Variants in SDK1 observed in about 807,000 individuals in gnomAD.
The protein encoded by SDK1 is protein sidekick-1.
In SDK1, 157 loss-of-function variants were observed where a neutral mutation model predicts 245.5. The ratio of observed to expected loss-of-function variants is 0.64; its 90% confidence interval spans 0.56 to 0.73. The LOEUF is 0.73. Among genes scored for constraint, SDK1 ranks in the 30% least tolerant of loss-of-function variants. SDK1 has a pLI of 0.00. For missense variants in SDK1, 3,583 were observed against 3,002.3 expected, an observed-to-expected ratio of 1.19 and a Z score of -4.52; for synonymous variants, 1,647 against 1,278.5, an observed-to-expected ratio of 1.29 and a Z score of -6.15.
At chr7:3,680,267 A>G (rs1211087065) in intron 4 of SDK1, among the ~76,000 whole-genome samples, 2 of 152,158 alleles carry the variant, frequency 1.3e-5, no homozygotes, top group Non-Finnish European at 2.9e-5. Context: ...TGGAGAAAAT[A>G]TTAATGGTCG....
At chr7:3,982,169 T>C (rs776548458) in intron 13 of SDK1, among the ~76,000 whole-genome samples, 1 of 152,222 alleles carries the variant, frequency 6.6e-6, no homozygotes, top group Non-Finnish European at 1.5e-5. Context: ...CTGTGCTCTG[T>C]AAATGGAACA....
intron 39 of SDK1, among the ~76,000 whole-genome samples, chr7:4,220,514 T>TG (rs1785088134): frequency 9.5e-6 from 1 of 104,734 alleles, no homozygotes; most frequent in Non-Finnish European, 1.9e-5. Flanking sequence ...AAGTTTTAGT[T>TG]GTTTTTTTTT....
intron 1 of SDK1, among the ~76,000 whole-genome samples, chr7:3,388,797 A>G (rs940836398): frequency 2.6e-5 from 4 of 152,176 alleles, no homozygotes; most frequent in African/African-American, 9.7e-5. Context: ...CACTAAGTCA[A>G]CGTGTGTTTA....
At position 4,088,905 on chromosome 7, in the gene SDK1, G is replaced by A. The variant is rs571751566; in HGVS notation, c.3324+9321G>A. 4.6e-5 allele frequency among the ~76,000 whole-genome samples: 7 copies of A among 152,240 alleles called. No individual in the cohort carries two copies. The South Asian group carries it at 1.4e-3, about 32-fold the overall frequency. On this transcript the variant is annotated intron_variant, in intron 22 of 44. Coordinates refer to ENST00000404826, the MANE Select transcript of SDK1 (RefSeq NM_152744.4). ...AGGCAGAGGACTCTCGTGGGCATCTGCACAATGAGGTCACTCAGGCGGAGG... is the reference window on the plus strand; with the variant it reads ...AGGCAGAGGACTCTCGTGGGCATCTACACAATGAGGTCACTCAGGCGGAGG...
At chr7:3,597,980 T>A (rs1289788989) in intron 1 of SDK1, among the ~76,000 whole-genome samples, 7 of 152,242 alleles carry the variant, frequency 4.6e-5, no homozygotes, top group Non-Finnish European at 8.8e-5. Flanking sequence ...TGGATCATTG[T>A]GTAGGTATTT....
chr7:4,169,058 G>A (rs1442851941), intron 32 of SDK1, among the ~76,000 whole-genome samples: 1 of 152,216 alleles, frequency 6.6e-6, no homozygotes, highest in Non-Finnish European at 1.5e-5. Context: ...GCGGGGACCT[G>A]TTGCTGTGTG....
chr7:3,824,111 A>G (rs901750447), intron 5 of SDK1, among the ~76,000 whole-genome samples: 2 of 152,052 alleles, frequency 1.3e-5, no homozygotes, highest in Admixed American at 6.6e-5. Context: ...GCAGTTCAGG[A>G]CCTGGCCACC....
intron 1 of SDK1, among the ~76,000 whole-genome samples, chr7:3,552,753 A>T (rs1779457201): frequency 6.6e-6 from 1 of 152,184 alleles, no homozygotes; most frequent in African/African-American, 2.4e-5. Flanking sequence ...GAAATGAAAG[A>T]CTTTGAAATA....
rs1462748006 is a variant in SDK1 at position 3,645,605 on chromosome 7, G to T, written c.713+3500G>T. Among the ~76,000 whole-genome samples, 3 of 152,024 alleles carry T rather than the reference G, an allele frequency of 2.0e-5. No homozygotes were observed. The East Asian group carries it at 5.8e-4, about 29-fold the overall frequency. On this transcript the variant is annotated intron_variant, in intron 4 of 44. Coordinates refer to ENST00000404826, the MANE Select transcript of SDK1 (RefSeq NM_152744.4). ...TACATCTATTATGCACTAATAAAAA[G>T]TTTACCTGTTTAAAAATTAAAAAAT... is the stretch of plus-strand genomic sequence containing the variant.
chr7:3,901,651 G>C (rs1277193903), intron 5 of SDK1, among the ~76,000 whole-genome samples: 2 of 152,148 alleles, frequency 1.3e-5, no homozygotes, highest in East Asian at 3.9e-4. Context: ...TAATCTGTGT[G>C]GTAATACCTT....
At chr7:3,484,720 C>T (rs985585733) in intron 1 of SDK1, among the ~76,000 whole-genome samples, 1 of 152,148 alleles carries the variant, frequency 6.6e-6, no homozygotes, top group Non-Finnish European at 1.5e-5. Context: ...TCCACAAGAT[C>T]GGTTTTTTTT....
At chr7:3,676,504 G>T (rs1019680549) in intron 4 of SDK1, among the ~76,000 whole-genome samples, 7 of 151,508 alleles carry the variant, frequency 4.6e-5, no homozygotes, top group Non-Finnish European at 8.8e-5. Context: ...TTTTTATATT[G>T]TTAGTAGAGA....
chr7:3,514,599 T>A (rs1782681415), intron 1 of SDK1, among the ~76,000 whole-genome samples: 1 of 152,176 alleles, frequency 6.6e-6, no homozygotes, highest in African/African-American at 2.4e-5. Flanking sequence ...CTAGTCTGAC[T>A]ATGATGCATT....
intron 1 of SDK1, among the ~76,000 whole-genome samples, chr7:3,496,601 T>C (rs545646203): frequency 6.6e-6 from 1 of 152,174 alleles, no homozygotes; most frequent in Non-Finnish European, 1.5e-5. Flanking sequence ...AAAGTGAAAA[T>C]TTAAAACAGG....
At chr7:4,077,358 C>G (rs1362650677) in intron 21 of SDK1, among the ~76,000 whole-genome samples, 169 bp downstream of exon 21, 1 of 152,220 alleles carries the variant, frequency 6.6e-6, no homozygotes, top group East Asian at 1.9e-4. Flanking sequence ...CACTTCAGCC[C>G]CATTCTCCAG....
At chr7:3,394,299 T>C (rs1781836955) in intron 1 of SDK1, among the ~76,000 whole-genome samples, 1 of 152,294 alleles carries the variant, frequency 6.6e-6, no homozygotes, top group Non-Finnish European at 1.5e-5. Flanking sequence ...ACGTATTATC[T>C]ATTCCCTAGT....
At chr7:3,926,274 C>G (rs1415238272) in intron 5 of SDK1, among the ~76,000 whole-genome samples, 3 of 152,068 alleles carry the variant, frequency 2.0e-5, no homozygotes, top group Non-Finnish European at 2.9e-5. Flanking sequence ...AATGAAATCA[C>G]TGGGGCTGTC....
chr7:3,902,203 T>C (rs904528097), intron 5 of SDK1, among the ~76,000 whole-genome samples: 8 of 152,058 alleles, frequency 5.3e-5, no homozygotes, highest in Admixed American at 3.9e-4. Context: ...CGCGTGTGCA[T>C]GTGTGTGTGT....
chr7:4,151,456 G>C (rs1274019598), intron 30 of SDK1, among the ~76,000 whole-genome samples: 1 of 152,208 alleles, frequency 6.6e-6, no homozygotes, highest in African/African-American at 2.4e-5. Context: ...TATGCTGGCG[G>C]GTTGGAATTT....
Sources: gnomAD v4.1 joint callset for allele counts (sites outside exome capture counted in the v4.1 genomes callset) on GRCh38, gnomAD v4.1.1 for gene constraint, MANE v1.5 for transcripts, NCBI Gene and HGNC (gene_info 2026-07-23, HGNC 2026-07-21) for gene names.